Variants in GALNT13 observed in about 807,000 individuals in gnomAD.
The protein encoded by GALNT13 is polypeptide N-acetylgalactosaminyltransferase 13.
A neutral mutation model predicts 64.2 loss-of-function variants in GALNT13; 28 were observed. The ratio of observed to expected loss-of-function variants is 0.44; its 90% CI spans 0.32 to 0.60. The LOEUF (loss-of-function observed/expected upper bound fraction) is 0.60. Among genes scored for constraint, GALNT13 ranks in the 20% least tolerant of loss-of-function variants. The pLI is 0.05. For synonymous variants in GALNT13, 214 were observed against 224.6 expected (o/e 0.95, Z 0.42); for missense variants, 577 against 669.8 (o/e 0.86, Z 1.53).
intron 3 of GALNT13, among the ~76,000 whole-genome samples, chr2:153,976,865 T>C (rs1375783968): frequency 2.0e-5 from 3 of 152,124 alleles, no homozygotes; most frequent in African/African-American, 4.8e-5. Context: ...AAATTATTGA[T>C]ATGGGTATGC....
chr2:153,984,045 ATTC>A (rs1336372856), intron 3 of GALNT13, among the ~76,000 whole-genome samples: 1 of 147,748 alleles, frequency 6.8e-6, no homozygotes, highest in Non-Finnish European at 1.5e-5. Context: ...CTATAATAAA[ATTC>A]TTCTTAAGTG....
intron 8 of GALNT13, among the ~76,000 whole-genome samples, chr2:154,299,479 CAG>C (rs1160751103): frequency 1.5e-5 from 2 of 135,294 alleles, no homozygotes; most frequent in Non-Finnish European, 3.1e-5. Context: ...TTTTTTGAGA[CAG>C]AGTCTCACTC....
the GALNT13 span, among the ~76,000 whole-genome samples, chr2:153,583,801 T>A: frequency 6.6e-6 from 1 of 152,132 alleles, no homozygotes; most frequent in Non-Finnish European, 1.5e-5. Context: ...TCCTAGCTGT[T>A]AGGGAAACTT....
intron 2 of GALNT13, among the ~76,000 whole-genome samples, chr2:153,938,520 A>G (rs971984739): frequency 4.3e-4 from 66 of 152,192 alleles, no homozygotes; most frequent in African/African-American, 1.5e-3. Context: ...GTTTGCATGT[A>G]GAAGTGGAGT....
chr2:153,895,566 A>C (rs1177835120), intron 1 of GALNT13, among the ~76,000 whole-genome samples: 1 of 152,142 alleles, frequency 6.6e-6, no homozygotes, highest in East Asian at 1.9e-4. Context: ...GCATGACCAT[A>C]TGCAGAACTA....
chr2:153,286,377 A>G, the GALNT13 span, among the ~76,000 whole-genome samples: 1 of 152,186 alleles, frequency 6.6e-6, no homozygotes, highest in Non-Finnish European at 1.5e-5. Context: ...CAGAAAATTT[A>G]GCTTTCTCAT....
At chr2:153,565,950 T>C in the GALNT13 span, among the ~76,000 whole-genome samples, 1 of 152,126 alleles carries the variant, frequency 6.6e-6, no homozygotes, top group African/African-American at 2.4e-5. Flanking sequence ...ATAAAAAATG[T>C]GTAGTGAAAT....
At chr2:154,158,439 G>A (rs185950738) in intron 4 of GALNT13, among the ~76,000 whole-genome samples, 81 of 152,166 alleles carry the variant, frequency 5.3e-4, no homozygotes, top group African/African-American at 2.0e-3. Context: ...ATTTTTACCT[G>A]AATCATTGTA....
chr2:154,100,889 G>A (rs1702313074), intron 3 of GALNT13, among the ~76,000 whole-genome samples: 1 of 152,006 alleles, frequency 6.6e-6, no homozygotes, highest in Admixed American at 6.6e-5. Flanking sequence ...TCCATGCCTA[G>A]TTTGTTGAGA....
the GALNT13 span, among the ~76,000 whole-genome samples, chr2:153,774,946 T>C: frequency 6.6e-6 from 1 of 152,182 alleles, no homozygotes; most frequent in Non-Finnish European, 1.5e-5. Flanking sequence ...TCTGGTGTTG[T>C]ACTTCTGATC....
intron 9 of GALNT13, among the ~76,000 whole-genome samples, chr2:154,339,674 T>G (rs1350341341): frequency 6.6e-6 from 1 of 152,186 alleles, no homozygotes; most frequent in East Asian, 1.9e-4. Flanking sequence ...GGGTGTCTAC[T>G]TTAGTGACAA....
the GALNT13 span, among the ~76,000 whole-genome samples, chr2:153,590,896 A>T: frequency 1.3e-4 from 20 of 152,258 alleles, no homozygotes; most frequent in African/African-American, 4.8e-4. Context: ...CATTCCCTTT[A>T]GAAACTGGAA....
chr2:153,253,644 T>A, the GALNT13 span, among the ~76,000 whole-genome samples: 1 of 150,994 alleles, frequency 6.6e-6, no homozygotes, highest in Admixed American at 6.6e-5. Flanking sequence ...ATACATCCCA[T>A]CAATACCTAA....
intron 3 of GALNT13, among the ~76,000 whole-genome samples, chr2:153,953,625 G>A (rs1692358235): frequency 6.6e-6 from 1 of 152,104 alleles, no homozygotes; most frequent in Admixed American, 6.6e-5. Flanking sequence ...ATACCAGTGT[G>A]GAGATACACA....
chr2:153,823,487 T>C, the GALNT13 span, among the ~76,000 whole-genome samples: 1 of 152,098 alleles, frequency 6.6e-6, no homozygotes, highest in Non-Finnish European at 1.5e-5. Context: ...CATATGATCC[T>C]TGACAAAGTT....
At chr2:153,088,519 C>G in the GALNT13 span, among the ~76,000 whole-genome samples, 3 of 152,184 alleles carry the variant, frequency 2.0e-5, no homozygotes, top group East Asian at 3.9e-4. Flanking sequence ...TCTTCTTTGA[C>G]TTTCTGTCTT....
At chr2:154,087,214 A>G (rs13001746) in intron 3 of GALNT13, among the ~76,000 whole-genome samples, 82,637 of 151,610 alleles carry the variant, frequency 0.55, 23,590 homozygotes, top group East Asian at 0.85. Context: ...AAAAGATCAG[A>G]CTCTTAGGCC....
the GALNT13 span, among the ~76,000 whole-genome samples, chr2:153,580,081 G>C: frequency 6.6e-6 from 1 of 152,064 alleles, no homozygotes; most frequent in African/African-American, 2.4e-5. Context: ...GTTTCCATGA[G>C]AGTTTGCTTA....
the GALNT13 span, among the ~76,000 whole-genome samples, chr2:153,069,609 A>C: frequency 1.3e-5 from 2 of 152,206 alleles, no homozygotes; most frequent in African/African-American, 4.8e-5. Flanking sequence ...TCACAGAGCT[A>C]TTAAATGGCT....
Sources: gnomAD v4.1 joint callset for allele counts (sites outside exome capture counted in the v4.1 genomes callset) on GRCh38, gnomAD v4.1.1 for gene constraint, MANE v1.5 for transcripts, NCBI Gene and HGNC (gene_info 2026-07-23, HGNC 2026-07-21) for gene names.